CSMD1: variants seen among roughly 807,000 people sequenced by gnomAD.
CSMD1 encodes CUB and Sushi multiple domains 1, also known as CUB and sushi domain-containing protein 1.
A neutral mutation model predicts 417.5 loss-of-function variants in CSMD1; 213 were observed. The ratio of observed to expected loss-of-function variants is 0.51; its 90% CI spans 0.46 to 0.57. The LOEUF (loss-of-function observed/expected upper bound fraction) is 0.57. Ranked by LOEUF, CSMD1 falls within the 20% of genes least tolerant of loss-of-function variation. The pLI, the probability that CSMD1 is intolerant of heterozygous loss-of-function variation, is 0.00. For synonymous variants in CSMD1, 2,862 were observed against 1,736.8 expected (o/e 1.65, Z -16.11); for missense variants, 6,923 against 4,529.7 (o/e 1.53, Z -15.17).
chr8:4,945,575 G>C (rs1184441014), intron 1 of CSMD1, among the ~76,000 whole-genome samples: 1 of 151,404 alleles, frequency 6.6e-6, no homozygotes, highest in Non-Finnish European at 1.5e-5. Flanking sequence ...ATAAAGACAA[G>C]AATAGCCTCA....
At chr8:3,433,137 G>C (rs531233657) in intron 12 of CSMD1, among the ~76,000 whole-genome samples, 1 of 152,180 alleles carries the variant, frequency 6.6e-6, no homozygotes, top group Non-Finnish European at 1.5e-5. Context: ...GTTGCATTTT[G>C]ATAAACATGG....
intron 1 of CSMD1, among the ~76,000 whole-genome samples, chr8:4,933,393 G>C (rs1319450856): frequency 6.6e-6 from 1 of 152,136 alleles, no homozygotes; most frequent in East Asian, 1.9e-4. Flanking sequence ...CTCGCCATCT[G>C]ACCTTATGGG....
At chr8:4,355,193 C>T (rs1158079370) in intron 3 of CSMD1, among the ~76,000 whole-genome samples, 1 of 151,698 alleles carries the variant, frequency 6.6e-6, no homozygotes, top group South Asian at 2.1e-4. Context: ...ACCTGGGAGG[C>T]GGAGCTTGCA....
chr8:3,156,521 T>A (rs1819544339), intron 39 of CSMD1, among the ~76,000 whole-genome samples: 1 of 152,038 alleles, frequency 6.6e-6, no homozygotes, highest in South Asian at 2.1e-4. Context: ...GTCAGGCACA[T>A]GGTGGTGGTA....
rs141191857 is a variant in CSMD1 at position 3,284,173 on chromosome 8, C to T, written c.4124G>A (p.Ser1375Asn). Residue 1375 changes from serine to asparagine, a missense_variant, in exon 26 of 70, where the codon AGC (serine) becomes AAC (asparagine). Transcript: ENST00000635120. ...TLQFDSDFFISKSGFSIQFST... is the reference protein window; with the variant it reads ...TLQFDSDFFINKSGFSIQFST... The stretch of plus-strand genomic sequence containing the variant: ...GAACTGGATGGAGAAGCCAGACTTG[C>T]TGATGAAGAAGTCGCTGTCGAACTG... 4.4e-4 allele frequency: 700 copies of T among 1,582,470 alleles called. No individual in the cohort carries two copies. Among genetic ancestry groups the T allele is most frequent in the Admixed American group, 9.6e-4 (52 of 54,152 alleles).
intron 3 of CSMD1, among the ~76,000 whole-genome samples, chr8:4,043,973 G>A (rs568852830): frequency 8.7e-4 from 132 of 152,210 alleles, no homozygotes; most frequent in South Asian, 7.3e-3. Flanking sequence ...TAATTGAAAT[G>A]CTTTTAAATG....
intron 2 of CSMD1, among the ~76,000 whole-genome samples, chr8:4,571,578 A>G (rs9987377): frequency 0.4 from 61,497 of 151,878 alleles, 13,096 homozygotes; most frequent in East Asian, 0.53. Flanking sequence ...GGTCCATTTT[A>G]GAATAAGTGC....
chr8:4,273,613 T>C (rs1234865093), intron 3 of CSMD1, among the ~76,000 whole-genome samples: 1 of 152,222 alleles, frequency 6.6e-6, no homozygotes, highest in African/African-American at 2.4e-5. Flanking sequence ...TCAAATTAAA[T>C]GAGGTTTTCT....
chr8:4,417,181 C>T (rs772750190), intron 3 of CSMD1, among the ~76,000 whole-genome samples: 7 of 151,946 alleles, frequency 4.6e-5, no homozygotes, highest in Non-Finnish European at 8.8e-5. Context: ...TGTAAATAAT[C>T]AATGTTAGTA....
At position 3,158,081 on chromosome 8, in the gene CSMD1, A is replaced by G. The variant is rs1265819759; in HGVS notation, c.5845-115T>C. ...TCTTGTTTTAATTATAAATATTTGA[A>G]AATTCAAAAATTGTGAAATCTGTTT... On this transcript the variant is annotated intron_variant, in intron 38 of 69. Transcript: ENST00000635120. 7 of 850,726 alleles carry G rather than the reference A, an allele frequency of 8.2e-6. No homozygotes were observed. In the South Asian group the frequency reaches 8.8e-5, roughly 11 times the overall value. 52.7% of individuals were successfully genotyped at this position (850,726 alleles called of 1,614,324 possible). A position where few individuals can be genotyped will look rare whatever the true frequency, so the allele number is the denominator to read the frequency against.
intron 3 of CSMD1, among the ~76,000 whole-genome samples, chr8:4,280,160 G>A (rs889274658): frequency 7.2e-5 from 11 of 152,304 alleles, no homozygotes; most frequent in African/African-American, 1.9e-4. Flanking sequence ...TTAGAAGTAC[G>A]CTTAAAAGAA....
At chr8:4,925,215 GTTTTTTTTT>G (rs10692207) in intron 1 of CSMD1, among the ~76,000 whole-genome samples, 1 of 72,734 alleles carries the variant, frequency 1.4e-5, no homozygotes, top group South Asian at 6.9e-4. Context: ...CAGTTTTATG[GTTTTTTTTT>G]TTTTTTTTTT....
intron 49 of CSMD1, among the ~76,000 whole-genome samples, chr8:3,062,901 G>T (rs776720715): frequency 6.6e-6 from 1 of 152,100 alleles, no homozygotes; most frequent in Admixed American, 6.5e-5. Context: ...AAAAGAGACA[G>T]GTACAAACAT....
intron 1 of CSMD1, among the ~76,000 whole-genome samples, chr8:4,744,805 G>A (rs542870887): frequency 3.3e-4 from 50 of 152,170 alleles, no homozygotes; most frequent in African/African-American, 1.2e-3. Context: ...CTTCCAAGGA[G>A]TAAAAAACAT....
chr8:3,033,562 A>G (rs533751444), intron 50 of CSMD1, among the ~76,000 whole-genome samples: 1 of 152,146 alleles, frequency 6.6e-6, no homozygotes, highest in East Asian at 1.9e-4. Context: ...GAACACATGG[A>G]CACAGGGAGG....
chr8:4,225,122 A>ATG (rs1389917203), intron 3 of CSMD1, among the ~76,000 whole-genome samples: 1 of 152,150 alleles, frequency 6.6e-6, no homozygotes, highest in Admixed American at 6.5e-5. Flanking sequence ...AAAAAAAGAA[A>ATG]AATCCTGAAA....
At chr8:4,586,503 G>A (rs555778089) in intron 2 of CSMD1, among the ~76,000 whole-genome samples, 1 of 152,098 alleles carries the variant, frequency 6.6e-6, no homozygotes, top group Non-Finnish European at 1.5e-5. Context: ...AGTTCCTTCT[G>A]GATGAGCCAC....
intron 5 of CSMD1, among the ~76,000 whole-genome samples, chr8:3,944,643 T>C (rs996807747): frequency 2.0e-5 from 3 of 152,294 alleles, no homozygotes; most frequent in African/African-American, 7.2e-5. Context: ...CCTTTATAAC[T>C]GGTGGATTCA....
intron 1 of CSMD1, among the ~76,000 whole-genome samples, chr8:4,906,396 G>C (rs578173889): frequency 1.3e-5 from 2 of 152,304 alleles, no homozygotes; most frequent in East Asian, 1.9e-4. Flanking sequence ...AGTTGTCAAA[G>C]GGATGAATAG....
Sources: allele counts gnomAD v4.1 joint callset (sites outside exome capture counted in the v4.1 genomes callset), GRCh38; gene constraint gnomAD v4.1.1; transcripts MANE v1.5; gene names NCBI Gene and HGNC (gene_info 2026-07-23, HGNC 2026-07-21).